Variants in HECTD2 observed in about 807,000 individuals in gnomAD.
HECTD2 encodes probable E3 ubiquitin-protein ligase HECTD2.
A neutral mutation model predicts 103.2 loss-of-function variants in HECTD2; 35 were observed. The observed-to-expected ratio is 0.34, with a 90% CI of 0.26 to 0.45. The LOEUF is 0.45. Among genes scored for constraint, HECTD2 ranks in the 20% least tolerant of loss-of-function variants. The probability of loss-of-function intolerance (pLI) is 1.00; values close to 1 mark genes in which losing one functional copy is unlikely to be tolerated. For missense variants in HECTD2, 596 were observed against 937.4 expected (o/e 0.64, Z 4.76); for synonymous variants, 281 against 329.9 (o/e 0.85, Z 1.61).
At chr10:91,498,831 A>G in intron 16 of HECTD2, 41 bp from the exon 17 acceptor site, 5 of 1,190,052 alleles carry the variant, frequency 4.2e-6, no homozygotes, top group Admixed American at 2.1e-5. Context: ...GTATGTTATT[A>G]TATCAACCAT....
chr10:91,504,960 G>A (rs1319143822), intron 20 of HECTD2, among the ~76,000 whole-genome samples: 1 of 152,160 alleles, frequency 6.6e-6, no homozygotes. Context: ...AGAAGAGAGT[G>A]GGGACCAATA....
intron 20 of HECTD2, among the ~76,000 whole-genome samples, chr10:91,511,749 C>T (rs770601790): frequency 9.2e-5 from 14 of 152,138 alleles, no homozygotes; most frequent in Non-Finnish European, 1.6e-4. Context: ...CAGTAATGCT[C>T]GCCTGCCACT....
chr10:91,483,894 G>C (rs866289037), intron 8 of HECTD2, among the ~76,000 whole-genome samples: 1 of 151,842 alleles, frequency 6.6e-6, no homozygotes, highest in African/African-American at 2.4e-5. Flanking sequence ...CCTGAATGAA[G>C]CTTCTCTAAC....
chr10:91,451,955 T>A (rs1844851202), intron 2 of HECTD2, among the ~76,000 whole-genome samples: 2 of 152,142 alleles, frequency 1.3e-5, no homozygotes, highest in Admixed American at 1.3e-4. Flanking sequence ...ATATTAATCA[T>A]TCTGTTGTTT....
chr10:91,440,000 T>C (rs528557405), intron 2 of HECTD2, among the ~76,000 whole-genome samples: 61 of 152,260 alleles, frequency 4.0e-4, no homozygotes, highest in Admixed American at 1.8e-3. Context: ...GATGGGGTTT[T>C]CCAAATATAT....
intron 2 of HECTD2, among the ~76,000 whole-genome samples, chr10:91,428,012 C>G (rs2133047472): frequency 6.6e-6 from 1 of 151,892 alleles, no homozygotes; most frequent in Non-Finnish European, 1.5e-5. Flanking sequence ...GGTTTTAGGT[C>G]TAACATTTAA....
intron 1 of HECTD2, among the ~76,000 whole-genome samples, chr10:91,421,799 C>G (rs1380954637): frequency 3.9e-5 from 6 of 152,164 alleles, no homozygotes; most frequent in Admixed American, 3.3e-4. Flanking sequence ...AGTGAGGTGT[C>G]AAAATATGCC....
chr10:91,508,834 T>C (rs1392942686), intron 20 of HECTD2, among the ~76,000 whole-genome samples: 1 of 152,062 alleles, frequency 6.6e-6, no homozygotes, highest in African/African-American at 2.4e-5. Flanking sequence ...CATATGTTTA[T>C]TGCGGTATTA....
upstream of HECTD2, chr10:91,410,302 G>C (rs1213941631): frequency 2.3e-5 from 7 of 302,648 alleles, no homozygotes; most frequent in Non-Finnish European, 3.0e-5. Context: ...GCGCGGGCGG[G>C]GGCGGAGTGG....
chr10:91,470,255 G>A (rs1293440781), intron 5 of HECTD2, among the ~76,000 whole-genome samples: 1 of 152,100 alleles, frequency 6.6e-6, no homozygotes, highest in Non-Finnish European at 1.5e-5. Flanking sequence ...CAAAACAACA[G>A]AATACACATT....
intron 20 of HECTD2, among the ~76,000 whole-genome samples, chr10:91,503,672 A>C (rs1483675236): frequency 6.6e-6 from 1 of 152,208 alleles, no homozygotes; most frequent in Non-Finnish European, 1.5e-5. Context: ...TCTGAGATCA[A>C]ACTGCAAGGC....
At chr10:91,456,815 A>G (rs1173686976) in intron 2 of HECTD2, among the ~76,000 whole-genome samples, 1 of 152,150 alleles carries the variant, frequency 6.6e-6, no homozygotes, top group Non-Finnish European at 1.5e-5. Context: ...AAAGAAGAGA[A>G]AATCAACCGA....
chr10:91,456,575 T>A (rs745902290), intron 2 of HECTD2, among the ~76,000 whole-genome samples: 8 of 152,168 alleles, frequency 5.3e-5, no homozygotes, highest in Non-Finnish European at 1.0e-4. Context: ...TATTTCTTTC[T>A]CCTGCCTGAT....
intron 5 of HECTD2, among the ~76,000 whole-genome samples, chr10:91,467,047 A>G (rs1164802525): frequency 1.3e-5 from 2 of 151,868 alleles, no homozygotes; most frequent in South Asian, 2.1e-4. Flanking sequence ...TTGAGATTGG[A>G]CAGATGGAGG....
intron 7 of HECTD2, among the ~76,000 whole-genome samples, chr10:91,482,436 C>T (rs1846127495): frequency 6.6e-6 from 1 of 151,834 alleles, no homozygotes; most frequent in Non-Finnish European, 1.5e-5. Flanking sequence ...GTGTTTCTCC[C>T]CTTGTTCTTT....
chr10:91,491,735 C>G (rs2133317546), intron 12 of HECTD2, among the ~76,000 whole-genome samples: 1 of 152,268 alleles, frequency 6.6e-6, no homozygotes, highest in East Asian at 1.9e-4. Flanking sequence ...TATACAGGTT[C>G]TAACATACTT....
chr10:91,428,134 A>G (rs1843655675), intron 2 of HECTD2, among the ~76,000 whole-genome samples: 1 of 151,030 alleles, frequency 6.6e-6, no homozygotes. Context: ...TAAATAGGGA[A>G]TCCTTTCCCC....
chr10:91,498,297 C>G, intron 16 of HECTD2, 115 bp downstream of exon 16: 3 of 710,396 alleles, frequency 4.2e-6, no homozygotes, highest in Non-Finnish European at 5.0e-6. Context: ...CCAATACATA[C>G]AATCCTCTGT....
At position 91,487,086 on chromosome 10, in the gene HECTD2, G is replaced by A. The variant is rs1846293120; in HGVS notation, c.1095-596G>A. The A allele has an allele frequency of 6.9e-6, 1 of 144,830 alleles. No individual in the cohort carries two copies. Among genetic ancestry groups the A allele is most frequent in the African/African-American group, 3.1e-5 (1 of 32,700 alleles). 9.0% of individuals were successfully genotyped at this position (144,830 alleles called of 1,614,324 possible). On this transcript the variant is annotated intron_variant, in intron 10 of 20. Transcript: ENST00000298068. This position sits in a 1 kb window ranked among gnomAD's most constrained non-coding sequence, Gnocchi z 4.1. ...CATAGAATGTTCTAGCCCAGGAGGGGTTATTTTCATAACCTTTTTATAATG... is the reference window on the plus strand; with the variant it reads ...CATAGAATGTTCTAGCCCAGGAGGGATTATTTTCATAACCTTTTTATAATG...
Sources: allele counts gnomAD v4.1 joint callset (sites outside exome capture counted in the v4.1 genomes callset), GRCh38; gene constraint gnomAD v4.1.1; non-coding constraint Gnocchi (gnomAD v3.1); transcripts MANE v1.5; gene names NCBI Gene and HGNC (gene_info 2026-07-23, HGNC 2026-07-21).